TERF2: variants seen among roughly 807,000 people sequenced by gnomAD.
TERF2 encodes telomeric repeat-binding factor 2.
TERF2 carries 16 observed loss-of-function variants against 56.1 expected under a neutral mutation model. That is an observed-to-expected ratio of 0.29 (90% confidence interval 0.19 to 0.43). The LOEUF is 0.43. TERF2 is among the 20% of genes least tolerant of loss of function. The pLI is 1.00. For synonymous variants in TERF2, 296 were observed against 282.1 expected (o/e 1.05, Z -0.50); for missense variants, 547 against 712.9 (o/e 0.77, Z 2.65).
chr16:69,385,968 C>T lies in TERF2; in HGVS notation c.4G>A (p.Ala2Thr). The T allele has an allele frequency of 7.4e-7, 1 of 1,351,138 alleles. No individual in the cohort carries two copies. Among genetic ancestry groups the T allele is most frequent in the Admixed American group, 3.6e-5 (1 of 27,904 alleles). The allele number at this position is 1,351,138 out of a possible 1,614,324, so 83.7% of individuals were successfully genotyped here. The change falls in exon 1 of 10, where the codon GCC becomes ACC. Residue 2 changes from alanine to threonine, a missense_variant. Physicochemically the swap from Ala to Thr is moderately conservative, Grantham distance 58 (BLOSUM62 0). Around this residue, in one of 6 missense-constraint regions of TERF2, gnomAD observed 85 missense variants for 59.5 expected, o/e 1.43. Transcript: ENST00000254942. ...GGGCCCGCCGTCCCGGCTCCCGCGG[C>T]CATGATAGAAACAGCGTTCCGAGCC... M[A>T]AGAGTAGPAS...
At chr16:69,376,691 CAAAA>C (rs1003834288) in intron 3 of TERF2, among the ~76,000 whole-genome samples, 3 of 94,802 alleles carry the variant, frequency 3.2e-5, no homozygotes, top group Admixed American at 1.1e-4. Context: ...CCATCTTTAC[CAAAA>C]AAAAAAAAAA....
At chr16:69,385,326 G>T in intron 2 of TERF2, 65 bp downstream of exon 2, 1 of 1,374,382 alleles carries the variant, frequency 7.3e-7, no homozygotes, top group Non-Finnish European at 1.0e-6. Flanking sequence ...TTCAGTTCTA[G>T]ATATAAGTTT....
chr16:69,383,184 A>T (rs1200319743), intron 3 of TERF2, among the ~76,000 whole-genome samples: 1 of 152,106 alleles, frequency 6.6e-6, no homozygotes, highest in Non-Finnish European at 1.5e-5. Flanking sequence ...GAGCATCCTA[A>T]ATCTGAAAAT....
intron 7 of TERF2, among the ~76,000 whole-genome samples, chr16:69,363,519 C>T (rs2013223779): frequency 6.6e-6 from 1 of 152,252 alleles, no homozygotes; most frequent in South Asian, 2.1e-4. Context: ...CAAGTCAGGC[C>T]ACTTCCTGGT....
intron 5 of TERF2, chr16:69,368,708 G>A: frequency 9.3e-7 from 1 of 1,078,730 alleles, no homozygotes; most frequent in Non-Finnish European, 1.3e-6. Flanking sequence ...AGGGAGTCTT[G>A]CTCTGTCGCC....
At chr16:69,383,692 C>G (rs78736548) in intron 3 of TERF2, among the ~76,000 whole-genome samples, 1 of 152,138 alleles carries the variant, frequency 6.6e-6, no homozygotes, top group Non-Finnish European at 1.5e-5. Flanking sequence ...TAATAGGGTA[C>G]CCAAGTACAA....
At chr16:69,366,763 A>G (rs552681721) in intron 7 of TERF2, 44 bp downstream of exon 7, 1 of 1,561,746 alleles carries the variant, frequency 6.4e-7, no homozygotes, top group East Asian at 2.3e-5. Context: ...CCCAACCAGG[A>G]CCACCAACCA....
chr16:69,358,267 C>A (rs2012994507), intron 8 of TERF2, among the ~76,000 whole-genome samples: 1 of 152,154 alleles, frequency 6.6e-6, no homozygotes, highest in Non-Finnish European at 1.5e-5. Flanking sequence ...CCCATCTCGG[C>A]CTTCCAAAGT....
chr16:69,385,712 T>C lies in TERF2; in HGVS notation c.260A>G (p.Glu87Gly). The part of the protein sequence containing the change: ...LGGPAERGAG[E>G]ARLEEAVNRW... The stretch of plus-strand genomic sequence containing the variant: ...ATTGACTGCCTCTTCCAGCCGTGCC[T>C]CCCCCGCGCCGCGCTCCGCCGGGCC... Residue 87 changes from glutamate to glycine, a missense_variant, in exon 1 of 10, where the codon GAG becomes GGG. Physicochemically the swap from Glu to Gly is moderately conservative, Grantham distance 98. This residue lies in a region of TERF2 where 120 missense variants were observed against 172.4 expected (regional missense o/e 0.70). Transcript: ENST00000254942. 1.9e-6 allele frequency: 3 copies of C among 1,588,328 alleles called. No individual in the cohort carries two copies. The highest frequency in any genetic ancestry group is 1.4e-5 in the African/African-American group (1 of 73,272).
intron 3 of TERF2, among the ~76,000 whole-genome samples, chr16:69,383,404 G>A (rs1451093562): frequency 6.6e-6 from 1 of 152,180 alleles, no homozygotes; most frequent in Non-Finnish European, 1.5e-5. Context: ...CTTAATAGAA[G>A]TTAAATGAAT....
chr16:69,369,655 C>G (rs1418933604), intron 5 of TERF2, among the ~76,000 whole-genome samples: 1 of 152,238 alleles, frequency 6.6e-6, no homozygotes, highest in Non-Finnish European at 1.5e-5. Flanking sequence ...TCCTTCACCA[C>G]AGTCTCCCAT....
intron 3 of TERF2, 36 bp downstream of exon 3, chr16:69,384,544 T>G (rs201071805): frequency 5.6e-6 from 9 of 1,604,060 alleles, no homozygotes; most frequent in Non-Finnish European, 7.6e-6. Flanking sequence ...CCTTGATTTT[T>G]GGTCAAAGAA....
At position 69,356,229 on chromosome 16, in the gene TERF2, A is replaced by G. The variant is rs957722934; in HGVS notation, c.*669T>C. On this transcript the variant is annotated 3_prime_UTR_variant, in exon 10 of 10. Coordinates refer to ENST00000254942, the MANE Select transcript of TERF2 (RefSeq NM_005652.5). ...CTCACATTGCTGGTTTTAACAGGTC[A>G]TGGAGTCACAAGTGGCTCCTAATAG... 36 of 455,572 alleles carry G rather than the reference A, an allele frequency of 7.9e-5. 1 individual carries two copies. The highest frequency in any genetic ancestry group is 6.6e-4 in the Admixed American group (28 of 42,408). 28.2% of individuals were successfully genotyped at this position (455,572 alleles called of 1,614,324 possible). A position where few individuals can be genotyped will look rare whatever the true frequency, so the allele number is the denominator to read the frequency against.
Position 69,372,284 on chromosome 16 carries a change from C to T in TERF2, c.678G>A (p.Lys226=). The T allele has an allele frequency of 6.2e-6, 10 of 1,610,050 alleles. No homozygotes were observed. The highest frequency in any genetic ancestry group is 7.6e-6 in the Non-Finnish European group (9 of 1,178,334). ...TCAAATTTACCTGAGTTGTGGGGTC[C>T]TTGGACATATGTTTTTTCAAAATTT... is the stretch of plus-strand genomic sequence containing the variant. ...ASKILKKHMS[K]DPTTQKLRND... The change falls in exon 4 of 10, where the codon AAG becomes AAA. Residue 226 remains lysine (K), a synonymous_variant. Coordinates refer to ENST00000254942, the MANE Select transcript of TERF2 (RefSeq NM_005652.5).
intron 3 of TERF2, among the ~76,000 whole-genome samples, chr16:69,384,366 C>A (rs1200256819): frequency 6.6e-6 from 1 of 152,128 alleles, no homozygotes; most frequent in Non-Finnish European, 1.5e-5. Flanking sequence ...GAAGACCACC[C>A]AAATCACAAA....
In TERF2 at chr16:69,359,146, C is replaced by G. The variant is rs185172793; in HGVS notation, c.1427-1585G>C. Among the ~76,000 whole-genome samples the G allele has an allele frequency of 1.1e-3, 172 of 152,172 alleles. 1 individual carries two copies. Among genetic ancestry groups the G allele is most frequent in the Non-Finnish European group, 1.9e-3 (132 of 68,002 alleles). On this transcript the variant is annotated intron_variant, in intron 8 of 9. Coordinates refer to ENST00000254942, the MANE Select transcript of TERF2 (RefSeq NM_005652.5). The stretch of plus-strand genomic sequence containing the variant: ...ACCATATATGCAGTCCATCGTTAAC[C>G]AAAACTTTGTTATGTGGCACATGAC...
intron 3 of TERF2, among the ~76,000 whole-genome samples, chr16:69,378,185 C>A (rs1302747806): frequency 2.0e-5 from 3 of 152,140 alleles, no homozygotes; most frequent in Admixed American, 2.0e-4. Context: ...GTGGACTACA[C>A]TGATTGATTT....
chr16:69,372,363 G>A lies in TERF2; in HGVS notation c.607-8C>T, dbSNP rs529477821. 7.6e-6 allele frequency: 12 copies of A among 1,578,198 alleles called. No individual in the cohort carries two copies. The South Asian group carries it at 1.3e-4, about 17-fold the overall frequency. ...GATACAAATAATGACAGCCTAAAAA[G>A]GAGGGGAAAAATCTTTTTTTACTTT... On this transcript the variant is annotated splice_polypyrimidine_tract_variant and splice_region_variant and intron_variant, in intron 3 of 9. Transcript: ENST00000254942.
chr16:69,370,256 C>T, intron 5 of TERF2: 1 of 522,536 alleles, frequency 1.9e-6, no homozygotes, highest in Non-Finnish European at 3.3e-6. Flanking sequence ...GTCTCGAACT[C>T]CTGACCTCAG....
Sources: allele counts gnomAD v4.1 joint callset (sites outside exome capture counted in the v4.1 genomes callset), GRCh38; gene constraint gnomAD v4.1.1; regional missense constraint gnomAD v4.1.1; transcripts MANE v1.5; gene names NCBI Gene and HGNC (gene_info 2026-07-23, HGNC 2026-07-21).